The following MED12L variants were observed in gnomAD, a reference collection of about 807,000 sequenced individuals.
MED12L encodes the protein mediator complex subunit 12L.
Under a neutral mutation model 281.3 loss-of-function variants are expected in MED12L, and 60 were observed. That is an observed-to-expected ratio of 0.21 (90% CI 0.17 to 0.26). The LOEUF (loss-of-function observed/expected upper bound fraction) is 0.26. Among genes scored for constraint, MED12L ranks in the 10% least tolerant of loss-of-function variants. The pLI is 1.00. For missense variants in MED12L, 2,146 were observed against 2,680.9 expected (o/e 0.80, Z 4.41); for synonymous variants, 974 against 987.2 (o/e 0.99, Z 0.25).
intron 5 of MED12L, among the ~76,000 whole-genome samples, chr3:151,151,031 C>CTTTTCTTTTTTTTTTTTTTTTTT (rs1718400515): frequency 3.0e-5 from 1 of 32,880 alleles, no homozygotes; most frequent in African/African-American, 1.2e-4. Context: ...GCTGAAGTAG[C>CTTTTCTTTTTTTTTTTTTTTTTT]TTTTTTTTTT....
Position 151,213,358 on chromosome 3 carries a change from A to T in MED12L, c.2250+19692A>T, listed in dbSNP as rs115868899. The stretch of plus-strand genomic sequence containing the variant: ...TCCTCTTTTGATTCTGGAAATGTCT[A>T]GGTCATTCTGAGCTTTTAATGGAAT... On this transcript the variant is annotated intron_variant, in intron 16 of 44. Transcript: ENST00000687756. 2.5e-6 allele frequency: 4 copies of T among 1,613,808 alleles called. No homozygotes were observed. The South Asian group carries it at 4.4e-5, about 18-fold the overall frequency.
At chr3:151,155,203 A>AG (rs1387371048) in intron 5 of MED12L, among the ~76,000 whole-genome samples, 1 of 152,312 alleles carries the variant, frequency 6.6e-6, no homozygotes, top group East Asian at 1.9e-4. Flanking sequence ...ATGTTTCAGT[A>AG]GGGTGTTTTC....
chr3:151,191,057 G>A (rs2141630), intron 14 of MED12L, 126 bp downstream of exon 14: 615,377 of 769,082 alleles, frequency 0.8, 246,495 homozygotes, highest in African/African-American at 0.88. Context: ...CCCAGTGGTT[G>A]TTTATCTCTA....
intron 16 of MED12L, among the ~76,000 whole-genome samples, chr3:151,247,689 C>T (rs1182106967): frequency 6.9e-6 from 1 of 145,902 alleles, no homozygotes; most frequent in Non-Finnish European, 1.5e-5. Flanking sequence ...TGCAGTGCAC[C>T]AGCATGGCAC....
chr3:151,365,521 C>T (rs988108790), intron 22 of MED12L, among the ~76,000 whole-genome samples: 7 of 152,026 alleles, frequency 4.6e-5, no homozygotes, highest in African/African-American at 1.4e-4. Context: ...GTATTTGGGT[C>T]CACCTAAATT....
At position 151,367,765 on chromosome 3, in the gene MED12L, A is replaced by G; in HGVS notation, c.3447A>G (p.Ala1149=). The change falls in exon 24 of 45, where the codon GCA becomes GCG. Residue 1149 remains alanine, a splice_region_variant and synonymous_variant. Coordinates refer to ENST00000687756, the MANE Select transcript of MED12L (RefSeq NM_001393769.1). ...QHVALPSLLA[A]ACGDADAEPG... ...TCGCACTTCCCTCTCTTCTAGCAGC[A>G]GGTAAGGCAGCATCCATGAACATCC... 1 of 1,602,626 alleles carries G rather than the reference A, an allele frequency of 6.2e-7. No individual in the cohort carries two copies. The highest frequency in any genetic ancestry group is 1.3e-5 in the African/African-American group (1 of 74,634).
chr3:151,268,469 A>C (rs1205336778), intron 16 of MED12L, among the ~76,000 whole-genome samples: 1 of 152,224 alleles, frequency 6.6e-6, no homozygotes, highest in Non-Finnish European at 1.5e-5. Flanking sequence ...TCCCTGCCCT[A>C]GTCAAGGCAT....
At chr3:151,218,049 C>G (rs1014268458) in intron 16 of MED12L, among the ~76,000 whole-genome samples, 2 of 152,218 alleles carry the variant, frequency 1.3e-5, no homozygotes, top group African/African-American at 2.4e-5. Context: ...TCAGTCTCCT[C>G]TCCTTATCTT....
At chr3:151,176,820 A>G (rs1051630643) in intron 11 of MED12L, among the ~76,000 whole-genome samples, 5 of 151,890 alleles carry the variant, frequency 3.3e-5, no homozygotes, top group Non-Finnish European at 5.9e-5. Context: ...CACTTGGTCA[A>G]CTGCGGAATT....
Position 151,165,473 on chromosome 3 carries a change from A to T in MED12L, c.1311A>T (p.Ala437=). 6.2e-7 allele frequency: 1 copy of T among 1,614,162 alleles called. No individual in the cohort carries two copies. The highest frequency in any genetic ancestry group is 1.1e-5 in the South Asian group (1 of 91,084). Residue 437 remains alanine (A), a synonymous_variant, in exon 10 of 45, where the codon GCA becomes GCT. Coordinates refer to ENST00000687756, the MANE Select transcript of MED12L (RefSeq NM_001393769.1). ...AACAGATAAAACAAAGAGGCCGTGC[A>T]GTGGAAGTTCGGTGGTCATTTGACA... is the stretch of plus-strand genomic sequence containing the variant. ...VEQQIKQRGR[A]VEVRWSFDKC...
intron 6 of MED12L, among the ~76,000 whole-genome samples, chr3:151,158,358 CCAAG>C (rs1425150478): frequency 2.0e-5 from 3 of 151,922 alleles, no homozygotes; most frequent in Non-Finnish European, 4.4e-5. Context: ...TCACTGTTAC[CCAAG>C]TTTCCTTCTA....
intron 12 of MED12L, among the ~76,000 whole-genome samples, chr3:151,186,149 G>GA (rs1723234056): frequency 6.6e-6 from 1 of 152,172 alleles, no homozygotes; most frequent in South Asian, 2.1e-4. Context: ...AATTATAAGG[G>GA]AAAAAGCAAA....
chr3:151,232,637 G>A (rs1391983770), intron 16 of MED12L, among the ~76,000 whole-genome samples: 1 of 152,190 alleles, frequency 6.6e-6, no homozygotes, highest in African/African-American at 2.4e-5. Flanking sequence ...TGTCTTGTGG[G>A]AATATGGATG....
chr3:151,136,483 T>G (rs1423085288), intron 5 of MED12L, among the ~76,000 whole-genome samples: 2 of 152,230 alleles, frequency 1.3e-5, no homozygotes, highest in Non-Finnish European at 2.9e-5. Context: ...AAGCTTAGTT[T>G]AAATTCACAC....
intron 2 of MED12L, among the ~76,000 whole-genome samples, chr3:151,096,636 A>G (rs896431863): frequency 2.0e-4 from 31 of 151,994 alleles, no homozygotes; most frequent in Non-Finnish European, 4.3e-4. Context: ...AGAGAGGGAG[A>G]TTCTGTAGGT....
At chr3:151,430,277 C>T (rs1473058492) in intron 43 of MED12L, 22 bp from the exon 44 acceptor site, 1 of 1,613,872 alleles carries the variant, frequency 6.2e-7, no homozygotes, top group East Asian at 2.2e-5. Flanking sequence ...GATTTCTGTC[C>T]TTTCTCCTGT....
intron 16 of MED12L, among the ~76,000 whole-genome samples, chr3:151,255,476 G>A (rs554444357): frequency 8.5e-5 from 13 of 152,174 alleles, no homozygotes; most frequent in Non-Finnish European, 8.8e-5. Flanking sequence ...GCGGGCAGGC[G>A]GTTTGGGTAT....
At chr3:151,215,915 T>C (rs1392041929) in intron 16 of MED12L, among the ~76,000 whole-genome samples, 2 of 152,228 alleles carry the variant, frequency 1.3e-5, no homozygotes, top group Non-Finnish European at 2.9e-5. Context: ...CTTTCATTTG[T>C]GTGGAAAACT....
chr3:151,388,005 C>G lies in MED12L; in HGVS notation c.5284C>G (p.Pro1762Ala), dbSNP rs771087503. The G allele has an allele frequency of 6.2e-7, 1 of 1,614,044 alleles. No individual in the cohort carries two copies. Among genetic ancestry groups the G allele is most frequent in the East Asian group, 2.2e-5 (1 of 44,830 alleles). The change falls in exon 37 of 45, where the codon CCA (proline) becomes GCA (alanine). Residue 1762 changes from proline to alanine, a missense_variant. Around this residue, in one of 9 missense-constraint regions of MED12L, gnomAD observed 496 missense variants for 512.0 expected, o/e 0.97. Coordinates refer to ENST00000687756, the MANE Select transcript of MED12L (RefSeq NM_001393769.1). ...CAAGCCCCGCAGTTACTACCTCCAG[C>G]CACTGCCCCTGCCTCCTGAGGAGGA... ...MPKPRSYYLQPLPLPPEEEEE... is the reference protein window; with the variant it reads ...MPKPRSYYLQALPLPPEEEEE...
Sources: gnomAD v4.1 joint callset for allele counts (sites outside exome capture counted in the v4.1 genomes callset) on GRCh38, gnomAD v4.1.1 for gene constraint, gnomAD v4.1.1 regional missense constraint, MANE v1.5 for transcripts, NCBI Gene and HGNC (gene_info 2026-07-23, HGNC 2026-07-21) for gene names.